The following RPL28 variants were observed in gnomAD, a reference collection of about 807,000 sequenced individuals.
RPL28 encodes the protein large ribosomal subunit protein eL28.
In RPL28, 4 loss-of-function variants were observed where a neutral mutation model predicts 12.5. The ratio of observed to expected loss-of-function variants is 0.32; its 90% CI spans 0.16 to 0.73. The LOEUF (loss-of-function observed/expected upper bound fraction) is 0.73, where lower values mean the gene tolerates loss of function less well. Ranked by LOEUF, RPL28 falls within the 30% of genes least tolerant of loss-of-function variation. The pLI, the probability that RPL28 is intolerant of heterozygous loss-of-function variation, is 0.66. For missense variants in RPL28, 214 were observed against 197.7 expected (o/e 1.08, Z -0.49); for synonymous variants, 91 against 72.5 (o/e 1.26, Z -1.30).
chr19:55,390,169 T>C lies in RPL28; in HGVS notation c.*1837T>C. ...GAGATGCTTGATGAATGGTGCATAT[T>C]GAATGTATAAAGCCCACCGGTCCTG... On this transcript the variant is annotated 3_prime_UTR_variant, in exon 5 of 5. Coordinates refer to ENST00000344063, the MANE Select transcript of RPL28 (RefSeq NM_000991.5). The C allele has an allele frequency of 1.6e-5, 16 of 985,444 alleles. No individual in the cohort carries two copies. The highest frequency in any genetic ancestry group is 1.9e-5 in the Non-Finnish European group (16 of 829,972). 61.0% of individuals were successfully genotyped at this position (985,444 alleles called of 1,614,324 possible).
chr19:55,401,355 T>C (rs1012511371), intron 4 of RPL28: 6 of 1,010,778 alleles, frequency 5.9e-6, no homozygotes, highest in Non-Finnish European at 7.1e-6. Context: ...ACCCCAGCCA[T>C]AATTTAAATA....
At chr19:55,393,073 C>A (rs1262761438), downstream of RPL28, among the ~76,000 whole-genome samples, 1 of 152,084 alleles carries the variant, frequency 6.6e-6, no homozygotes, top group Non-Finnish European at 1.5e-5. Flanking sequence ...GGCCCTCCCC[C>A]AGGCCCAGCC....
Position 55,386,597 on chromosome 19 carries a change from TC to T in RPL28, c.111del (p.Phe38SerfsTer6). 1 of 1,610,350 alleles carries T rather than the reference TC, an allele frequency of 6.2e-7. No individual in the cohort carries two copies. Among genetic ancestry groups the T allele is most frequent in the Non-Finnish European group, 8.5e-7 (1 of 1,176,992 alleles). ...TEPNNLKARNSFRYNGLIHRK... is the reference protein window; with the variant it reads ...TEPNNLKARNXFRYNGLIHRK... Reference sequence around the variant, plus strand: ...GCCCAATAACTTGAAGGCCCGCAATTCCTTCCGCTACAACGGACTGATTCAC... The same window carrying T: ...GCCCAATAACTTGAAGGCCCGCAATTCTTCCGCTACAACGGACTGATTCAC... On this transcript the variant is annotated frameshift_variant, in exon 3 of 5. Transcript: ENST00000344063. LOFTEE classifies it high-confidence loss of function.
At chr19:55,395,108 CTT>C (rs925328753), downstream of RPL28, among the ~76,000 whole-genome samples, 2 of 151,868 alleles carry the variant, frequency 1.3e-5, no homozygotes, top group African/African-American at 4.8e-5. Flanking sequence ...GAATATTAGC[CTT>C]TCTTTTTTTT....
Position 55,391,786 on chromosome 19 carries a change from GACTC to G in RPL28, c.*3456_*3459del. On this transcript the variant is annotated 3_prime_UTR_variant, in exon 5 of 5. Coordinates refer to ENST00000344063, the MANE Select transcript of RPL28 (RefSeq NM_000991.5). ...TTTTTATAAATATTTTGATCAGATG[GACTC>G]ATGATCACAGATGTCTTCACATGCC... is the stretch of plus-strand genomic sequence containing the variant. 1 of 1,162,058 alleles carries G rather than the reference GACTC, an allele frequency of 8.6e-7. No homozygotes were observed. The allele number at this position is 1,162,058 out of a possible 1,614,324, so 72.0% of individuals were successfully genotyped here.
In RPL28 at chr19:55,390,707, C is replaced by A. The variant is rs1004130853; in HGVS notation, c.*2375C>A. On this transcript the variant is annotated 3_prime_UTR_variant, in exon 5 of 5. Coordinates refer to ENST00000344063, the MANE Select transcript of RPL28 (RefSeq NM_000991.5). ...CTGTTCCTGCGGGTGGCCAGCCTGTCTGTGTGGCTGGGCTGGGGAGGCCAC... is the reference window on the plus strand; with the variant it reads ...CTGTTCCTGCGGGTGGCCAGCCTGTATGTGTGGCTGGGCTGGGGAGGCCAC... 1 of 985,340 alleles carries A rather than the reference C, an allele frequency of 1.0e-6. No homozygotes were observed. The highest frequency in any genetic ancestry group is 1.2e-6 in the Non-Finnish European group (1 of 829,962). 61.0% of individuals were successfully genotyped at this position (985,340 alleles called of 1,614,324 possible).
intron 4 of RPL28, among the ~76,000 whole-genome samples, chr19:55,402,764 GC>G (rs1363259317): frequency 6.6e-6 from 1 of 152,156 alleles, no homozygotes; most frequent in Non-Finnish European, 1.5e-5. Flanking sequence ...GTCCCCAGCA[GC>G]CTCCAATGAC....
rs1600307311 is a variant in RPL28, at chr19:55,390,982, G to A, written c.*2650G>A. The A allele has an allele frequency of 1.0e-6, 1 of 984,374 alleles. No homozygotes were observed. Among genetic ancestry groups the A allele is most frequent in the East Asian group, 1.1e-4 (1 of 8,828 alleles). 61.0% of individuals were successfully genotyped at this position (984,374 alleles called of 1,614,324 possible). A position where few individuals can be genotyped will look rare whatever the true frequency, so the allele number is the denominator to read the frequency against. ...GGAAAACCAGTTAAACCAAAAACAT[G>A]ATATTAAGAAAACAGGCAGGCTCAC... On this transcript the variant is annotated 3_prime_UTR_variant, in exon 5 of 5. Transcript: ENST00000344063.
chr19:55,387,156 A>C (rs990429937), intron 3 of RPL28: 4 of 1,288,656 alleles, frequency 3.1e-6, no homozygotes, highest in African/African-American at 3.0e-5. Context: ...TGGGGACCCC[A>C]CTCCATACAT....
downstream of RPL28, among the ~76,000 whole-genome samples, chr19:55,395,046 C>G (rs1238897585): frequency 6.6e-6 from 1 of 152,164 alleles, no homozygotes; most frequent in Non-Finnish European, 1.5e-5. Flanking sequence ...TCTGGATAGT[C>G]ACAATATGCA....
At chr19:55,387,571 G>T in intron 3 of RPL28, 1 of 1,424,268 alleles carries the variant, frequency 7.0e-7, no homozygotes, top group South Asian at 1.5e-5. Context: ...CTGCTGTGGG[G>T]ATGGGCCTGG....
rs905418851 is a variant in RPL28 at position 55,389,952 on chromosome 19, A to C, written c.*1620A>C. 1.0e-6 allele frequency: 1 copy of C among 984,338 alleles called. No individual in the cohort carries two copies. The highest frequency in any genetic ancestry group is 1.1e-4 in the East Asian group (1 of 8,766). The allele number at this position is 984,338 out of a possible 1,614,324, so 61.0% of individuals were successfully genotyped here. A position where few individuals can be genotyped will look rare whatever the true frequency, so the allele number is the denominator to read the frequency against. On this transcript the variant is annotated 3_prime_UTR_variant, in exon 5 of 5. Coordinates refer to ENST00000344063, the MANE Select transcript of RPL28 (RefSeq NM_000991.5). The stretch of plus-strand genomic sequence containing the variant: ...CTCTGGCTGGCCTCACTGCGCTGGG[A>C]CTCCGCCTTCATAAGGAGAGCTCAC...
intron 4 of RPL28, chr19:55,401,113 G>T (rs1305949953): frequency 7.3e-6 from 3 of 410,898 alleles, no homozygotes; most frequent in Non-Finnish European, 1.3e-5. Flanking sequence ...TACCTCCACA[G>T]AACAAAGAGG....
At chr19:55,387,385 T>C in intron 3 of RPL28, 1 of 1,551,076 alleles carries the variant, frequency 6.4e-7, no homozygotes, top group Non-Finnish European at 8.7e-7. Flanking sequence ...GTGATCCTCC[T>C]GTCTCAGGGA....
Position 55,389,815 on chromosome 19 carries a change from A to C in RPL28, c.*1483A>C. The C allele has an allele frequency of 2.0e-6, 2 of 983,864 alleles. No homozygotes were observed. The highest frequency in any genetic ancestry group is 2.4e-6 in the Non-Finnish European group (2 of 829,184). 60.9% of individuals were successfully genotyped at this position (983,864 alleles called of 1,614,324 possible). A position where few individuals can be genotyped will look rare whatever the true frequency, so the allele number is the denominator to read the frequency against. Reference sequence around the variant, plus strand: ...TTGGGTGACTTGGTACCTGCTCAGGACCCCCCGCACTGTCCCAATCCCACT... The same window carrying C: ...TTGGGTGACTTGGTACCTGCTCAGGCCCCCCCGCACTGTCCCAATCCCACT... On this transcript the variant is annotated 3_prime_UTR_variant, in exon 5 of 5. Transcript: ENST00000344063.
chr19:55,388,174 C>G, intron 4 of RPL28, 69 bp from the exon 5 acceptor site: 1 of 1,532,600 alleles, frequency 6.5e-7, no homozygotes, highest in Non-Finnish European at 8.8e-7. Flanking sequence ...CTCCCCACAC[C>G]CAGCATTGGC....
Position 55,391,049 on chromosome 19 carries a change from C to A in RPL28, c.*2717C>A. 1.3e-6 allele frequency: 1 copy of A among 784,676 alleles called. No individual in the cohort carries two copies. Among genetic ancestry groups the A allele is most frequent in the Non-Finnish European group, 1.5e-6 (1 of 646,646 alleles). The allele number at this position is 784,676 out of a possible 1,614,324, so 48.6% of individuals were successfully genotyped here. On this transcript the variant is annotated 3_prime_UTR_variant, in exon 5 of 5. Coordinates refer to ENST00000344063, the MANE Select transcript of RPL28 (RefSeq NM_000991.5). ...AAAGCCAAAGACAAAATTGGGAGAA[C>A]AAAAGAAAAGCGTCTTGTCACATAC...
At chr19:55,402,092 C>G (rs2090063950) in intron 4 of RPL28, among the ~76,000 whole-genome samples, 1 of 152,202 alleles carries the variant, frequency 6.6e-6, no homozygotes, top group Non-Finnish European at 1.5e-5. Context: ...TGCCTGAGCC[C>G]CAGACTTGAG....
rs1569043790 is a variant in RPL28 at position 55,392,038 on chromosome 19, C to G, written c.*3706C>G. 2.8e-6 allele frequency: 3 copies of G among 1,058,592 alleles called. No individual in the cohort carries two copies. Among genetic ancestry groups the G allele is most frequent in the Non-Finnish European group, 3.4e-6 (3 of 877,284 alleles). 65.6% of individuals were successfully genotyped at this position (1,058,592 alleles called of 1,614,324 possible). A position where few individuals can be genotyped will look rare whatever the true frequency, so the allele number is the denominator to read the frequency against. On this transcript the variant is annotated 3_prime_UTR_variant, in exon 5 of 5. Transcript: ENST00000344063. ...CTGCCCAGGAATGGTATCAATTCCC[C>G]TGTTTCTCTTGTAGCCAGTTACTAG...
Sources: gnomAD v4.1 joint callset for allele counts (sites outside exome capture counted in the v4.1 genomes callset) on GRCh38, gnomAD v4.1.1 for gene constraint, MANE v1.5 for transcripts, NCBI Gene and HGNC (gene_info 2026-07-23, HGNC 2026-07-21) for gene names.